PTCHD4: variants seen among roughly 807,000 people sequenced by gnomAD.
PTCHD4 encodes patched domain containing 4.
A neutral mutation model predicts 58.1 loss-of-function variants in PTCHD4; 33 were observed. The observed-to-expected ratio is 0.57, with a 90% CI of 0.43 to 0.76. PTCHD4 has a LOEUF of 0.76. PTCHD4 is among the 30% of genes least tolerant of loss of function. The probability of loss-of-function intolerance (pLI) is 0.00; values close to 1 mark genes in which losing one functional copy is unlikely to be tolerated. For synonymous variants in PTCHD4, 478 were observed against 409.6 expected, an observed-to-expected ratio of 1.17 and a Z score of -2.02; for missense variants, 1,058 against 1,027.1, an observed-to-expected ratio of 1.03 and a Z score of -0.41.
intron 4 of PTCHD4, among the ~76,000 whole-genome samples, chr6:47,919,699 C>T (rs754886708): frequency 6.6e-6 from 1 of 151,950 alleles, no homozygotes; most frequent in African/African-American, 2.4e-5. Flanking sequence ...CAGAGGGCAA[C>T]CATTAAAAGG....
At chr6:48,076,353 C>G (rs1286714364) in intron 1 of PTCHD4, among the ~76,000 whole-genome samples, 1 of 152,190 alleles carries the variant, frequency 6.6e-6, no homozygotes, top group Non-Finnish European at 1.5e-5. Context: ...CTCCAAACTC[C>G]TATTGATGAT....
intron 3 of PTCHD4, among the ~76,000 whole-genome samples, chr6:48,036,760 A>G (rs1763652311): frequency 6.6e-6 from 1 of 152,154 alleles, no homozygotes; most frequent in African/African-American, 2.4e-5. Context: ...AAAAAGTCAC[A>G]TGCTAAGGTC....
intron 4 of PTCHD4, among the ~76,000 whole-genome samples, chr6:47,924,736 C>A (rs954908312): frequency 6.6e-6 from 1 of 152,076 alleles, no homozygotes; most frequent in East Asian, 1.9e-4. Context: ...CAGTTGAGAG[C>A]AGATTGTAAT....
At chr6:47,970,853 C>A (rs1048661918) in intron 4 of PTCHD4, among the ~76,000 whole-genome samples, 1 of 152,182 alleles carries the variant, frequency 6.6e-6, no homozygotes, top group Non-Finnish European at 1.5e-5. Flanking sequence ...ACTCTGTGCA[C>A]TGACTGAAAA....
intron 4 of PTCHD4, among the ~76,000 whole-genome samples, chr6:47,983,225 G>A (rs970319825): frequency 6.6e-6 from 1 of 152,130 alleles, no homozygotes; most frequent in African/African-American, 2.4e-5. Flanking sequence ...GGGTACTAAA[G>A]TATATGAGGG....
At position 47,878,757 on chromosome 6, in the gene PTCHD4, T is replaced by C. The variant is rs766895011; in HGVS notation, c.2078A>G (p.Glu693Gly). Residue 693 changes from glutamate (E) to glycine (G), a missense_variant, in exon 5 of 5, where the codon GAG (glutamate) becomes GGG (glycine). Physicochemically the swap from Glu to Gly is moderately conservative, Grantham distance 98. Coordinates refer to ENST00000339488, the MANE Select transcript of PTCHD4 (RefSeq NM_001384253.1). Reference protein sequence around the residue: ...FWLILSVTSIELGVLGLMTLW... With the variant: ...FWLILSVTSIGLGVLGLMTLW... ...TGTCATTAAGCCCAGAACGCCCAGC[T>C]CAATTGAGGTGACGCTAAGAATTAG... The C allele has an allele frequency of 6.2e-7, 1 of 1,613,508 alleles. No homozygotes were observed. Among genetic ancestry groups the C allele is most frequent in the Admixed American group, 1.7e-5 (1 of 59,888 alleles).
intron 4 of PTCHD4, among the ~76,000 whole-genome samples, chr6:47,983,688 C>T (rs1428402479): frequency 2.6e-5 from 4 of 152,008 alleles, no homozygotes; most frequent in East Asian, 1.9e-4. Context: ...AGTAAATTAC[C>T]GATGACCTTA....
chr6:48,007,936 G>GCGCGCACACA lies in PTCHD4; in HGVS notation c.898+697_898+698insTGTGTGCGCG, dbSNP rs935818683. 5.8e-4 allele frequency among the ~76,000 whole-genome samples: 87 copies of GCGCGCACACA among 150,348 alleles called. 1 individual carries two copies. Among genetic ancestry groups the GCGCGCACACA allele is most frequent in the African/African-American group, 1.9e-3 (77 of 41,000 alleles). Reference sequence around the variant, plus strand: ...TCTTTGAAAGAATATGTGCGCGCGCGCACACACACACACACACACACACAC... The same window carrying GCGCGCACACA: ...TCTTTGAAAGAATATGTGCGCGCGCGCGCGCACACACACACACACACACACACACACACAC... On this transcript the variant is annotated intron_variant, in intron 4 of 4. Transcript: ENST00000339488.
At chr6:47,942,931 T>C (rs1394540218) in intron 4 of PTCHD4, among the ~76,000 whole-genome samples, 1 of 152,190 alleles carries the variant, frequency 6.6e-6, no homozygotes, top group Non-Finnish European at 1.5e-5. Flanking sequence ...GGTGTTTATA[T>C]CAGAAAATAT....
chr6:48,002,022 C>T (rs1366738180), intron 4 of PTCHD4, among the ~76,000 whole-genome samples: 1 of 152,204 alleles, frequency 6.6e-6, no homozygotes, highest in East Asian at 1.9e-4. Context: ...TTCATCATCA[C>T]TGGCCATCAG....
chr6:48,059,369 G>A (rs1764535119), intron 3 of PTCHD4, among the ~76,000 whole-genome samples: 1 of 152,150 alleles, frequency 6.6e-6, no homozygotes. Context: ...GGCAGGGCGG[G>A]GTGGTTCACG....
intron 4 of PTCHD4, among the ~76,000 whole-genome samples, chr6:47,918,456 T>TTGAATA (rs1271171134): frequency 6.6e-6 from 1 of 152,140 alleles, no homozygotes; most frequent in Non-Finnish European, 1.5e-5. Flanking sequence ...ACCAAAAAAG[T>TTGAATA]TGAATAAGAA....
intron 4 of PTCHD4, among the ~76,000 whole-genome samples, chr6:47,905,983 G>A (rs1256186136): frequency 6.6e-6 from 1 of 152,180 alleles, no homozygotes; most frequent in African/African-American, 2.4e-5. Context: ...GGGGCCCCTG[G>A]GGGCCCATCA....
chr6:48,104,401 T>G (rs546631475), intron 1 of PTCHD4, among the ~76,000 whole-genome samples: 3 of 152,294 alleles, frequency 2.0e-5, no homozygotes, highest in African/African-American at 7.2e-5. Flanking sequence ...AAGCAAATGC[T>G]GAGAGATTTT....
intron 3 of PTCHD4, among the ~76,000 whole-genome samples, chr6:48,048,908 A>G (rs556414736): frequency 6.6e-6 from 1 of 152,122 alleles, no homozygotes; most frequent in Non-Finnish European, 1.5e-5. Flanking sequence ...TTCAGAGAGT[A>G]GAGTCTGGCT....
chr6:47,873,971 C>G lies in PTCHD4; in HGVS notation c.*4332G>C, dbSNP rs1039150577. Among the ~76,000 whole-genome samples the G allele has an allele frequency of 6.6e-6, 1 of 151,694 alleles. No homozygotes were observed. Among genetic ancestry groups the G allele is most frequent in the Non-Finnish European group, 1.5e-5 (1 of 67,780 alleles). On this transcript the variant is annotated 3_prime_UTR_variant, in exon 5 of 5. Coordinates refer to ENST00000339488, the MANE Select transcript of PTCHD4 (RefSeq NM_001384253.1). Reference sequence around the variant, plus strand: ...AATATCCTTCGCAGACACCAACAAACCAGACTGAACAGAAAGATCCCTGTA... The same window carrying G: ...AATATCCTTCGCAGACACCAACAAAGCAGACTGAACAGAAAGATCCCTGTA...
intron 4 of PTCHD4, among the ~76,000 whole-genome samples, chr6:48,001,797 G>C (rs1215368209): frequency 6.6e-6 from 1 of 152,144 alleles, no homozygotes; most frequent in Non-Finnish European, 1.5e-5. Flanking sequence ...CACAGCAAAA[G>C]AAACTACCAT....
chr6:47,977,283 T>C (rs1451067301), intron 4 of PTCHD4, among the ~76,000 whole-genome samples: 1 of 152,186 alleles, frequency 6.6e-6, no homozygotes, highest in Non-Finnish European at 1.5e-5. Context: ...TTCTAATAAA[T>C]AAGAATCAGC....
chr6:48,018,102 G>C (rs1463590651), intron 3 of PTCHD4, among the ~76,000 whole-genome samples: 3 of 152,176 alleles, frequency 2.0e-5, no homozygotes, highest in African/African-American at 7.2e-5. Context: ...GAATGATACT[G>C]TTTATTCACT....
Sources: gnomAD v4.1 joint callset for allele counts (sites outside exome capture counted in the v4.1 genomes callset) on GRCh38, gnomAD v4.1.1 for gene constraint, MANE v1.5 for transcripts, NCBI Gene and HGNC (gene_info 2026-07-23, HGNC 2026-07-21) for gene names.